Variants in FAM118B observed in about 807,000 individuals in gnomAD.
The protein encoded by FAM118B is protein FAM118B.
FAM118B carries 24 observed loss-of-function variants against 38.5 expected under a neutral mutation model. The ratio of observed to expected loss-of-function variants is 0.62; its 90% CI spans 0.45 to 0.88. FAM118B has a LOEUF of 0.88. Among genes scored for constraint, FAM118B ranks in the 40% least tolerant of loss-of-function variants. The pLI is 0.00. For missense variants in FAM118B, 334 were observed against 420.0 expected, an observed-to-expected ratio of 0.80 and a Z score of 1.79; for synonymous variants, 138 against 156.3, an observed-to-expected ratio of 0.88 and a Z score of 0.87.
rs1565338867 is a variant in FAM118B at position 126,252,755 on chromosome 11, C to G, written c.568-1550C>G. Among the ~76,000 whole-genome samples the G allele has an allele frequency of 6.6e-6, 1 of 152,080 alleles. No homozygotes were observed. Among genetic ancestry groups the G allele is most frequent in the African/African-American group, 2.4e-5 (1 of 41,414 alleles). On this transcript the variant is annotated intron_variant, in intron 5 of 8. Transcript: ENST00000533050. The surrounding 1 kb of genome is among the most constrained non-coding windows in gnomAD (Gnocchi z 4.7). ...AAGATCATGTCTCTAAATAAATAGGCTGGGCACAGTGGTTCACGTCTGTAA... is the reference window on the plus strand; with the variant it reads ...AAGATCATGTCTCTAAATAAATAGGGTGGGCACAGTGGTTCACGTCTGTAA...
chr11:126,238,376 T>G (rs2962114), intron 3 of FAM118B, among the ~76,000 whole-genome samples: 22,027 of 152,056 alleles, frequency 0.14, 2,641 homozygotes, highest in East Asian at 0.64. Context: ...ATAAGGGGCT[T>G]GGTCCCAGAC....
rs1193580237 is a variant in FAM118B at position 126,211,801 on chromosome 11, G to C, written c.-106G>C. The C allele has an allele frequency of 4.9e-5, 36 of 729,728 alleles. 1 individual carries two copies. The South Asian group carries it at 6.4e-4, about 13-fold the overall frequency. 45.2% of individuals were successfully genotyped at this position (729,728 alleles called of 1,614,324 possible). ...GCGGCTGCGCCGGCCGGTAGCTGCA[G>C]CTGGAGCAGTGGCGTTTGGAGGAGA... On this transcript the variant is annotated 5_prime_UTR_variant, in exon 1 of 9. Transcript: ENST00000533050.
intron 6 of FAM118B, among the ~76,000 whole-genome samples, chr11:126,254,821 T>C (rs1005236210): frequency 1.3e-5 from 2 of 152,188 alleles, no homozygotes; most frequent in African/African-American, 4.8e-5. Context: ...AGCAAGGCCC[T>C]ATCTCTAAAA....
chr11:126,261,883 T>G (rs1212835234), intron 8 of FAM118B, among the ~76,000 whole-genome samples: 1 of 152,050 alleles, frequency 6.6e-6, no homozygotes, highest in African/African-American at 2.4e-5. Flanking sequence ...TCCCGGCTAC[T>G]GGCTGAGGTA....
chr11:126,240,762 C>T, intron 3 of FAM118B, 30 bp from the exon 4 acceptor site: 1 of 1,577,600 alleles, frequency 6.3e-7, no homozygotes. Context: ...ATTGGATATT[C>T]CAATCCTCTC....
At position 126,256,462 on chromosome 11, in the gene FAM118B, C is replaced by A; in HGVS notation, c.697-105C>A. ...GACATACCAACCCACTTAAGTCTTG[C>A]TTAATTGGTCATCACAGTCTGCTCA... On this transcript the variant is annotated intron_variant, in intron 6 of 8. Coordinates refer to ENST00000533050, the MANE Select transcript of FAM118B (RefSeq NM_024556.4). The surrounding 1 kb of genome is among the most constrained non-coding windows in gnomAD (Gnocchi z 6.6). 1 of 1,027,438 alleles carries A rather than the reference C, an allele frequency of 9.7e-7. No homozygotes were observed. Among genetic ancestry groups the A allele is most frequent in the South Asian group, 1.6e-5 (1 of 63,342 alleles). The allele number at this position is 1,027,438 out of a possible 1,614,324, so 63.6% of individuals were successfully genotyped here. A position where few individuals can be genotyped will look rare whatever the true frequency, so the allele number is the denominator to read the frequency against.
Position 126,254,289 on chromosome 11 carries a change from T to C in FAM118B, c.568-16T>C, listed in dbSNP as rs1452443005. ...CAGCCCTGCCAAGCTGGTTGGGCTA[T>C]ATGTGTGTTGTGCAGGTCCTCGAGT... On this transcript the variant is annotated splice_polypyrimidine_tract_variant and intron_variant, in intron 5 of 8. Transcript: ENST00000533050. The C allele has an allele frequency of 3.1e-6, 5 of 1,612,782 alleles. No homozygotes were observed. Among genetic ancestry groups the C allele is most frequent in the Non-Finnish European group, 4.2e-6 (5 of 1,179,296 alleles).
intron 5 of FAM118B, among the ~76,000 whole-genome samples, chr11:126,251,973 CGTTTT>C (rs546709233): frequency 1.6e-3 from 237 of 151,268 alleles, no homozygotes; most frequent in African/African-American, 1.7e-3. Context: ...TGTGCCTGGC[CGTTTT>C]GTTTTGTTTT....
At position 126,256,500 on chromosome 11, in the gene FAM118B, C is replaced by G; in HGVS notation, c.697-67C>G. 1 of 1,495,028 alleles carries G rather than the reference C, an allele frequency of 6.7e-7. No individual in the cohort carries two copies. The highest frequency in any genetic ancestry group is 9.2e-7 in the Non-Finnish European group (1 of 1,092,628). 92.6% of individuals were successfully genotyped at this position (1,495,028 alleles called of 1,614,324 possible). The stretch of plus-strand genomic sequence containing the variant: ...CACAGTCTGCTCAACGTAGCATGAC[C>G]TTCTTGTTTCAGACTTGCCTTGAGT... On this transcript the variant is annotated intron_variant, in intron 6 of 8. Transcript: ENST00000533050. This position sits in a 1 kb window ranked among gnomAD's most constrained non-coding sequence, Gnocchi z 6.6.
In FAM118B at chr11:126,250,849, T is replaced by A; in HGVS notation, c.567+116T>A. On this transcript the variant is annotated intron_variant, in intron 5 of 8. Transcript: ENST00000533050. The surrounding 1 kb of genome is among the most constrained non-coding windows in gnomAD (Gnocchi z 5.1). ...GTAGAGCTAGAAAGGAAAAATTTTTTCCCTGGTTGGAGTTTTTGTTTTTCT... is the reference window on the plus strand; with the variant it reads ...GTAGAGCTAGAAAGGAAAAATTTTTACCCTGGTTGGAGTTTTTGTTTTTCT... 1 of 738,936 alleles carries A rather than the reference T, an allele frequency of 1.4e-6. No individual in the cohort carries two copies. The allele number at this position is 738,936 out of a possible 1,614,324, so 45.8% of individuals were successfully genotyped here.
intron 2 of FAM118B, among the ~76,000 whole-genome samples, chr11:126,233,985 G>C (rs1357334817): frequency 6.6e-6 from 1 of 152,114 alleles, no homozygotes; most frequent in African/African-American, 2.4e-5. Context: ...GAGAGGCTGA[G>C]GTGGGTTGAT....
At chr11:126,229,427 C>T (rs539083945) in intron 2 of FAM118B, 134 bp downstream of exon 2, 2 of 152,032 alleles carry the variant, frequency 1.3e-5, no homozygotes, top group East Asian at 3.9e-4. Flanking sequence ...TAACAAGCAA[C>T]ATCTGAGCTC....
chr11:126,246,498 C>G (rs1056986906), intron 4 of FAM118B, among the ~76,000 whole-genome samples: 2 of 152,134 alleles, frequency 1.3e-5, no homozygotes, highest in Admixed American at 1.3e-4. Flanking sequence ...CCTTGTGTCG[C>G]TTTGTGAAGA....
rs775958196 is a variant in FAM118B at position 126,254,379 on chromosome 11, C to T, written c.642C>T (p.Gly214=). The T allele has an allele frequency of 1.2e-6, 2 of 1,614,204 alleles. No homozygotes were observed. Among genetic ancestry groups the T allele is most frequent in the East Asian group, 2.2e-5 (1 of 44,890 alleles). Residue 214 remains glycine (G), a synonymous_variant, in exon 6 of 9, where the codon GGC becomes GGT. Coordinates refer to ENST00000533050, the MANE Select transcript of FAM118B (RefSeq NM_024556.4). ...HIHGVYTNPS[G]IVLHPAGYQN... ...ACGGAGTCTACACCAACCCTAGTGG[C>T]ATTGTCCTTCATCCGGCTGGATATC...
intron 1 of FAM118B, among the ~76,000 whole-genome samples, chr11:126,228,549 A>G (rs879355040): frequency 2.0e-5 from 3 of 150,098 alleles, no homozygotes; most frequent in Admixed American, 6.7e-5. Context: ...AGACTTGTCA[A>G]TTTTTCGTTT....
At chr11:126,222,506 A>T (rs1242908273) in intron 1 of FAM118B, among the ~76,000 whole-genome samples, 1 of 152,232 alleles carries the variant, frequency 6.6e-6, no homozygotes, top group Non-Finnish European at 1.5e-5. Flanking sequence ...AAACAAATCT[A>T]TAGACTTTCA....
rs967343229 is a variant in FAM118B at position 126,249,782 on chromosome 11, A to T, written c.340-724A>T. The stretch of plus-strand genomic sequence containing the variant: ...AAAAGAAAAGGAGATGCCAAACCAC[A>T]ATTAGGGCTGTGTCTCAGTGGCGTT... On this transcript the variant is annotated intron_variant, in intron 4 of 8. Transcript: ENST00000533050. Among the ~76,000 whole-genome samples, 13 of 151,386 alleles carry T rather than the reference A, an allele frequency of 8.6e-5. No individual in the cohort carries two copies. In the East Asian group the frequency reaches 1.9e-3, roughly 23 times the overall value.
rs1950401928 is a variant in FAM118B at position 126,244,935 on chromosome 11, G to C, written c.339+3891G>C. The C allele has an allele frequency of 6.6e-6, 1 of 152,190 alleles. No homozygotes were observed. The highest frequency in any genetic ancestry group is 1.5e-5 in the Non-Finnish European group (1 of 68,034). 9.4% of individuals were successfully genotyped at this position (152,190 alleles called of 1,614,324 possible). A position where few individuals can be genotyped will look rare whatever the true frequency, so the allele number is the denominator to read the frequency against. The stretch of plus-strand genomic sequence containing the variant: ...CAGAAGACTTAATATTATTAAGATG[G>C]AATACTCTGCAAATTGGTCTACAGA... On this transcript the variant is annotated intron_variant, in intron 4 of 8. Coordinates refer to ENST00000533050, the MANE Select transcript of FAM118B (RefSeq NM_024556.4). This position sits in a 1 kb window ranked among gnomAD's most constrained non-coding sequence, Gnocchi z 4.5.
intron 1 of FAM118B, among the ~76,000 whole-genome samples, chr11:126,220,574 G>T (rs1252341458): frequency 2.0e-5 from 3 of 152,012 alleles, no homozygotes; most frequent in Non-Finnish European, 4.4e-5. Flanking sequence ...AATTAGCCAG[G>T]TGTGGTGGTG....
Sources: allele counts gnomAD v4.1 joint callset (sites outside exome capture counted in the v4.1 genomes callset), GRCh38; gene constraint gnomAD v4.1.1; non-coding constraint Gnocchi (gnomAD v3.1); transcripts MANE v1.5; gene names NCBI Gene and HGNC (gene_info 2026-07-23, HGNC 2026-07-21).